LRRC4C: variants seen among roughly 807,000 people sequenced by gnomAD.
LRRC4C encodes the protein leucine-rich repeat-containing protein 4C.
Under a neutral mutation model 33.6 loss-of-function variants are expected in LRRC4C, and 5 were observed. That is an observed-to-expected ratio of 0.15 (90% CI 0.08 to 0.31). The LOEUF (loss-of-function observed/expected upper bound fraction) is 0.31, where lower values mean the gene tolerates loss of function less well. LRRC4C is among the 10% of genes least tolerant of loss of function. LRRC4C has a pLI of 1.00. For synonymous variants in LRRC4C, 329 were observed against 302.0 expected (o/e 1.09, Z -0.93); for missense variants, 560 against 796.7 (o/e 0.70, Z 3.58).
chr11:41,073,938 A>T (rs1048213757), intron 1 of LRRC4C, among the ~76,000 whole-genome samples: 1 of 152,190 alleles, frequency 6.6e-6, no homozygotes, highest in Non-Finnish European at 1.5e-5. Context: ...AATGAGATCC[A>T]TGATATCTTG....
chr11:41,421,064 CTG>C (rs1954858212), intron 1 of LRRC4C, among the ~76,000 whole-genome samples: 1 of 151,986 alleles, frequency 6.6e-6, no homozygotes, highest in Non-Finnish European at 1.5e-5. Flanking sequence ...CTTTACCTCT[CTG>C]TGCCTCAGTT....
chr11:40,665,324 AAATATATATATATATATATATATAT>A (rs1322968423), intron 2 of LRRC4C, among the ~76,000 whole-genome samples: 3 of 10,310 alleles, frequency 2.9e-4, no homozygotes, highest in African/African-American at 6.5e-4. Flanking sequence ...AAAAAAAAAA[AAATATATATATATATATATATATAT>A]ATATATATAT....
intron 2 of LRRC4C, among the ~76,000 whole-genome samples, chr11:40,708,783 G>A (rs1946310935): frequency 6.6e-6 from 1 of 152,028 alleles, no homozygotes; most frequent in African/African-American, 2.4e-5. Context: ...CTGTCTTGTT[G>A]ATCTGTCTAA....
At chr11:40,325,365 G>A (rs1946046065) in intron 3 of LRRC4C, among the ~76,000 whole-genome samples, 1 of 152,174 alleles carries the variant, frequency 6.6e-6, no homozygotes, top group Admixed American at 6.5e-5. Flanking sequence ...AGTCATGATA[G>A]CTCATGCTTG....
chr11:40,727,596 CT>C (rs1214324037), intron 2 of LRRC4C, among the ~76,000 whole-genome samples: 1 of 152,118 alleles, frequency 6.6e-6, no homozygotes, highest in Non-Finnish European at 1.5e-5. Context: ...GCAAAAGAAA[CT>C]ATCAACAGAG....
At chr11:41,256,260 A>G (rs1270373173) in intron 1 of LRRC4C, among the ~76,000 whole-genome samples, 1 of 151,912 alleles carries the variant, frequency 6.6e-6, no homozygotes, top group Non-Finnish European at 1.5e-5. Context: ...AGAGTAATCA[A>G]TCAATCAATC....
In LRRC4C at chr11:40,478,996, A is replaced by G. The variant is rs147473430; in HGVS notation, c.-269-159275T>C. ...AACACTTTTATTTAATGTTTGCCTT[A>G]TTATACAAAATGATTACTCTGAAAT... is the stretch of plus-strand genomic sequence containing the variant. On this transcript the variant is annotated intron_variant, in intron 3 of 6. Transcript: ENST00000528697. 2.1e-4 allele frequency among the ~76,000 whole-genome samples: 32 copies of G among 152,322 alleles called. 2 individuals carry two copies. The East Asian group carries it at 6.2e-3, about 29-fold the overall frequency.
At chr11:40,392,870 G>A (rs923833603) in intron 3 of LRRC4C, among the ~76,000 whole-genome samples, 2 of 151,712 alleles carry the variant, frequency 1.3e-5, no homozygotes, top group Admixed American at 6.6e-5. Flanking sequence ...TATTTGCTGA[G>A]TGCTCGCGAA....
At chr11:40,150,186 C>T (rs1452499887) in intron 5 of LRRC4C, among the ~76,000 whole-genome samples, 1 of 152,160 alleles carries the variant, frequency 6.6e-6, no homozygotes, top group Non-Finnish European at 1.5e-5. Context: ...TCTATGAGGA[C>T]ATTTGTCATT....
chr11:40,779,104 C>T (rs1008581782), intron 2 of LRRC4C, among the ~76,000 whole-genome samples: 3 of 151,798 alleles, frequency 2.0e-5, no homozygotes, highest in African/African-American at 7.3e-5. Context: ...GGGAAGGTGT[C>T]CAGAACCAGA....
chr11:41,009,049 C>A (rs1049736852), intron 1 of LRRC4C, among the ~76,000 whole-genome samples: 2 of 151,720 alleles, frequency 1.3e-5, no homozygotes, highest in African/African-American at 4.8e-5. Context: ...CTTTTAAAGA[C>A]ATTGAAAGAA....
chr11:41,413,925 C>T (rs191110128), intron 1 of LRRC4C, among the ~76,000 whole-genome samples: 45 of 152,236 alleles, frequency 3.0e-4, no homozygotes, highest in Admixed American at 7.9e-4. Flanking sequence ...AGATATCTAA[C>T]TTGGAGCCTC....
chr11:41,284,633 G>T (rs955041996), intron 1 of LRRC4C, among the ~76,000 whole-genome samples: 3 of 152,114 alleles, frequency 2.0e-5, no homozygotes, highest in Non-Finnish European at 4.4e-5. Flanking sequence ...CCTCCCCACA[G>T]ACAGCTGCAT....
chr11:40,317,379 G>A (rs1945625899), intron 4 of LRRC4C, among the ~76,000 whole-genome samples: 1 of 151,868 alleles, frequency 6.6e-6, no homozygotes. Flanking sequence ...TGCATAATGG[G>A]TTATACTTTC....
intron 2 of LRRC4C, among the ~76,000 whole-genome samples, chr11:40,870,463 G>T (rs1026118393): frequency 1.3e-5 from 2 of 152,142 alleles, no homozygotes; most frequent in Non-Finnish European, 2.9e-5. Flanking sequence ...GTTGCAGGAC[G>T]TCAGGAACCC....
At chr11:41,117,121 G>A (rs969341038) in intron 1 of LRRC4C, among the ~76,000 whole-genome samples, 1 of 152,028 alleles carries the variant, frequency 6.6e-6, no homozygotes, top group Admixed American at 6.6e-5. Context: ...AGGGACTCCC[G>A]TTACTTTAGC....
chr11:40,497,884 T>C (rs1954548896), intron 3 of LRRC4C, among the ~76,000 whole-genome samples: 1 of 152,170 alleles, frequency 6.6e-6, no homozygotes, highest in African/African-American at 2.4e-5. Flanking sequence ...AAAAACTGAA[T>C]ACAACCCCTA....
chr11:40,887,700 G>A (rs367646139), intron 2 of LRRC4C, among the ~76,000 whole-genome samples: 10 of 152,012 alleles, frequency 6.6e-5, no homozygotes, highest in East Asian at 1.9e-4. Flanking sequence ...TCTCTCCAGG[G>A]TATGTTTTAA....
At chr11:40,330,574 G>C (rs749697569) in intron 3 of LRRC4C, among the ~76,000 whole-genome samples, 9 of 152,122 alleles carry the variant, frequency 5.9e-5, no homozygotes, top group Non-Finnish European at 1.0e-4. Context: ...TCACTGTTCT[G>C]CATGGCTGGG....
Sources: gnomAD v4.1 joint callset for allele counts (sites outside exome capture counted in the v4.1 genomes callset) on GRCh38, gnomAD v4.1.1 for gene constraint, MANE v1.5 for transcripts, NCBI Gene and HGNC (gene_info 2026-07-23, HGNC 2026-07-21) for gene names.